SETDB2: variants seen among roughly 807,000 people sequenced by gnomAD.
SETDB2 encodes histone-lysine N-methyltransferase SETDB2.
SETDB2 carries 56 observed loss-of-function variants against 82.5 expected under a neutral mutation model. The observed-to-expected ratio is 0.68, with a 90% CI of 0.55 to 0.85. The LOEUF is 0.85. Ranked by LOEUF, SETDB2 falls within the 40% of genes least tolerant of loss-of-function variation. The probability of loss-of-function intolerance (pLI) is 0.00; values close to 1 mark genes in which losing one functional copy is unlikely to be tolerated. For missense variants in SETDB2, 677 were observed against 816.4 expected, an observed-to-expected ratio of 0.83 and a Z score of 2.08; for synonymous variants, 272 against 284.9, an observed-to-expected ratio of 0.95 and a Z score of 0.46.
At chr13:49,448,632 T>C (rs936084447) in intron 1 of SETDB2, among the ~76,000 whole-genome samples, 1 of 152,222 alleles carries the variant, frequency 6.6e-6, no homozygotes, top group African/African-American at 2.4e-5. Context: ...GACTATGCTC[T>C]GTGTAAACAG....
chr13:49,488,647 A>C lies in SETDB2; in HGVS notation c.1917+17A>C. 1 of 1,534,796 alleles carries C rather than the reference A, an allele frequency of 6.5e-7. No individual in the cohort carries two copies. The highest frequency in any genetic ancestry group is 8.8e-7 in the Non-Finnish European group (1 of 1,142,474). On this transcript the variant is annotated intron_variant, in intron 12 of 13. Coordinates refer to ENST00000611815, the MANE Select transcript of SETDB2 (RefSeq NM_001160308.3). The stretch of plus-strand genomic sequence containing the variant: ...TTCCTTAATGTGAGTATAAGGGCTG[A>C]GATTCCTATTTCTGAACAACTGTTT...
intron 4 of SETDB2, chr13:49,464,131 A>G (rs1249127892): frequency 9.3e-6 from 7 of 753,326 alleles, no homozygotes; most frequent in African/African-American, 6.8e-5. Context: ...GGAAGAACAC[A>G]TGACTTCAAA....
intron 11 of SETDB2, 182 bp downstream of exon 11, chr13:49,485,905 C>T: frequency 1.4e-6 from 1 of 735,124 alleles, no homozygotes; most frequent in Non-Finnish European, 2.5e-6. Flanking sequence ...TGGCCCTCTA[C>T]CTGTTCAGTA....
intron 8 of SETDB2, among the ~76,000 whole-genome samples, chr13:49,481,659 G>A (rs1388688830): frequency 6.6e-6 from 1 of 152,212 alleles, no homozygotes; most frequent in African/African-American, 2.4e-5. Flanking sequence ...TTACAGTCAT[G>A]CAATTACTGA....
intron 2 of SETDB2, among the ~76,000 whole-genome samples, chr13:49,454,066 C>T (rs1957832379): frequency 1.3e-5 from 2 of 152,060 alleles, no homozygotes; most frequent in African/African-American, 4.8e-5. Flanking sequence ...ACTTAGTTCC[C>T]ATCACCCACC....
At chr13:49,460,671 C>T (rs1473663860) in intron 3 of SETDB2, among the ~76,000 whole-genome samples, 1 of 152,150 alleles carries the variant, frequency 6.6e-6, no homozygotes, top group African/African-American at 2.4e-5. Context: ...TTGTTGTCAA[C>T]CCTGGTTGGT....
intron 12 of SETDB2, among the ~76,000 whole-genome samples, chr13:49,489,903 T>TC (rs1566177777): frequency 3.2e-4 from 8 of 24,836 alleles, no homozygotes; most frequent in African/African-American, 4.8e-4. Flanking sequence ...GCCTTATTTC[T>TC]CCCGCCCCCC....
intron 11 of SETDB2, 24 bp from the exon 12 acceptor site, chr13:49,488,266 G>A: frequency 6.5e-7 from 1 of 1,546,586 alleles, no homozygotes; most frequent in Non-Finnish European, 8.7e-7. Context: ...ATTTCCTGAT[G>A]TTTCCTTCCA....
At chr13:49,471,935 T>TATATATATATATATA (rs561242564) in intron 5 of SETDB2, among the ~76,000 whole-genome samples, 13 of 99,764 alleles carry the variant, frequency 1.3e-4, no homozygotes, top group East Asian at 6.1e-4. Context: ...TATATATATA[T>TATATATATATATATA]TTTTTTTTTT....
intron 8 of SETDB2, chr13:49,482,164 T>A: frequency 1.0e-6 from 1 of 985,412 alleles, no homozygotes; most frequent in Non-Finnish European, 1.2e-6. Context: ...TGCTGGAAAA[T>A]GTAACTAAGA....
chr13:49,460,307 C>T, intron 3 of SETDB2, 75 bp downstream of exon 3: 6 of 1,425,238 alleles, frequency 4.2e-6, no homozygotes, highest in Non-Finnish European at 5.7e-6. Context: ...CATTCTATTT[C>T]CAATATTGCT....
intron 2 of SETDB2, among the ~76,000 whole-genome samples, chr13:49,453,687 C>CG (rs1594130683): frequency 6.6e-6 from 1 of 152,054 alleles, no homozygotes; most frequent in African/African-American, 2.4e-5. Flanking sequence ...TTTTGGCACT[C>CG]GAAGATTGCT....
chr13:49,488,646 G>A lies in SETDB2; in HGVS notation c.1917+16G>A, dbSNP rs1237756512. ...CTTCCTTAATGTGAGTATAAGGGCTGAGATTCCTATTTCTGAACAACTGTT... is the reference window on the plus strand; with the variant it reads ...CTTCCTTAATGTGAGTATAAGGGCTAAGATTCCTATTTCTGAACAACTGTT... On this transcript the variant is annotated intron_variant, in intron 12 of 13. Coordinates refer to ENST00000611815, the MANE Select transcript of SETDB2 (RefSeq NM_001160308.3). The A allele has an allele frequency of 6.5e-7, 1 of 1,534,528 alleles. No homozygotes were observed. The highest frequency in any genetic ancestry group is 1.4e-5 in the African/African-American group (1 of 71,990).
rs796949845 is a variant in SETDB2 at position 49,456,098 on chromosome 13, C to T, written c.17-4009C>T. Among the ~76,000 whole-genome samples, 5 of 151,996 alleles carry T rather than the reference C, an allele frequency of 3.3e-5. No individual in the cohort carries two copies. The South Asian group carries it at 1.0e-3, about 32-fold the overall frequency. ...AATATTATTTTTTAAATAGTTTGTC[C>T]TTGTGTATTCTCTGAAATGATTTGG... On this transcript the variant is annotated intron_variant, in intron 2 of 13. Coordinates refer to ENST00000611815, the MANE Select transcript of SETDB2 (RefSeq NM_001160308.3).
At chr13:49,458,763 T>C (rs1367745473) in intron 2 of SETDB2, among the ~76,000 whole-genome samples, 1 of 152,244 alleles carries the variant, frequency 6.6e-6, no homozygotes, top group Non-Finnish European at 1.5e-5. Flanking sequence ...CCCTCTACCT[T>C]TATTCATACC....
At position 49,482,944 on chromosome 13, in the gene SETDB2, A is replaced by G. The variant is rs763885886; in HGVS notation, c.1364A>G (p.Asn455Ser). 1 of 1,610,076 alleles carries G rather than the reference A, an allele frequency of 6.2e-7. No homozygotes were observed. Among genetic ancestry groups the G allele is most frequent in the Non-Finnish European group, 8.5e-7 (1 of 1,177,614 alleles). ...AAATGTCCACCAAAGTTCAGTAATA[A>G]TCCCAAGGAGCTTACTGTGTAAGTA... Reference protein sequence around the residue: ...TEKCPPKFSNNPKELTVETKY... With the variant: ...TEKCPPKFSNSPKELTVETKY... Residue 455 changes from asparagine (N) to serine (S), a missense_variant, in exon 9 of 14, where the codon AAT (asparagine) becomes AGT (serine). By Grantham distance (46) the Asn-to-Ser change is conservative (BLOSUM62 1). This residue lies in a region of SETDB2 where 420 missense variants were observed against 554.6 expected (regional missense o/e 0.76). Transcript: ENST00000611815.
intron 5 of SETDB2, among the ~76,000 whole-genome samples, chr13:49,475,146 A>G (rs940699131): frequency 6.6e-6 from 1 of 152,214 alleles, no homozygotes; most frequent in African/African-American, 2.4e-5. Flanking sequence ...CACATCTTAC[A>G]TAGATGGTGA....
At chr13:49,480,188 A>T (rs1368278928) in intron 6 of SETDB2, 31 bp from the exon 7 acceptor site, 1 of 1,440,272 alleles carries the variant, frequency 6.9e-7, no homozygotes, top group Non-Finnish European at 9.6e-7. Flanking sequence ...CTGCTTTTTC[A>T]TTCTTTCTCC....
chr13:49,462,514 C>G (rs149049243), intron 4 of SETDB2, among the ~76,000 whole-genome samples: 1 of 152,244 alleles, frequency 6.6e-6, no homozygotes, highest in African/African-American at 2.4e-5. Flanking sequence ...GGAGCCAGGG[C>G]AGAAACCAAA....
Sources: allele counts gnomAD v4.1 joint callset (sites outside exome capture counted in the v4.1 genomes callset), GRCh38; gene constraint gnomAD v4.1.1; regional missense constraint gnomAD v4.1.1; transcripts MANE v1.5; gene names NCBI Gene and HGNC (gene_info 2026-07-23, HGNC 2026-07-21).